Variants in SRBD1 observed in about 807,000 individuals in gnomAD.
SRBD1 encodes the protein S1 RNA binding domain 1, also known as S1 RNA-binding domain-containing protein 1.
SRBD1 carries 88 observed loss-of-function variants against 115.3 expected under a neutral mutation model. The ratio of observed to expected loss-of-function variants is 0.76; its 90% CI spans 0.64 to 0.91. SRBD1 has a LOEUF of 0.91. SRBD1 is among the 40% of genes least tolerant of loss of function. SRBD1 has a pLI of 0.00. For missense variants in SRBD1, 1,385 were observed against 1,177.4 expected (o/e 1.18, Z -2.58); for synonymous variants, 509 against 407.7 (o/e 1.25, Z -2.99).
At chr2:45,502,754 A>G (rs1670675609) in intron 14 of SRBD1, among the ~76,000 whole-genome samples, 1 of 152,014 alleles carries the variant, frequency 6.6e-6, no homozygotes, top group Non-Finnish European at 1.5e-5. Context: ...GGTGCAGCAC[A>G]CCAACATGGC....
At chr2:45,423,569 A>C (rs935703389) in intron 16 of SRBD1, among the ~76,000 whole-genome samples, 12 of 152,144 alleles carry the variant, frequency 7.9e-5, no homozygotes, top group Non-Finnish European at 1.5e-4. Context: ...AAACTCTCCC[A>C]ACAAAAAAAA....
rs145100858 is a variant in SRBD1 at position 45,605,453 on chromosome 2, A to G, written c.1-12T>C. ...GGCAATGATGACATCTAGAAGAAACAGAAAATAAAATCAGCAACACTTGAA... is the reference window on the plus strand; with the variant it reads ...GGCAATGATGACATCTAGAAGAAACGGAAAATAAAATCAGCAACACTTGAA... On this transcript the variant is annotated splice_polypyrimidine_tract_variant and intron_variant, in intron 1 of 20. Transcript: ENST00000263736. 15,802 of 1,611,700 alleles carry G rather than the reference A, an allele frequency of 9.8e-3. 124 individuals carry two copies. The highest frequency in any genetic ancestry group is 0.012 in the South Asian group (1,131 of 90,900).
chr2:45,469,234 A>G (rs1171204561), intron 16 of SRBD1, among the ~76,000 whole-genome samples: 6 of 152,064 alleles, frequency 3.9e-5, no homozygotes, highest in Non-Finnish European at 8.8e-5. Flanking sequence ...TTCTTTCATG[A>G]TAGTATTTTT....
chr2:45,404,621 C>G (rs930313997), intron 19 of SRBD1, among the ~76,000 whole-genome samples: 2 of 152,196 alleles, frequency 1.3e-5, no homozygotes, highest in Non-Finnish European at 2.9e-5. Flanking sequence ...GCTGTATCAT[C>G]TGGATCTCAG....
At chr2:45,521,216 G>C (rs1671272160) in intron 14 of SRBD1, among the ~76,000 whole-genome samples, 1 of 151,608 alleles carries the variant, frequency 6.6e-6, no homozygotes, top group Non-Finnish European at 1.5e-5. Context: ...CAGGGAGCTA[G>C]AAACACAGAG....
Position 45,392,951 on chromosome 2 carries a change from G to A in SRBD1, c.2692C>T (p.Arg898Ter), listed in dbSNP as rs1667044099. The change falls in exon 20 of 21, where the codon CGA becomes TGA. Residue 898 changes from arginine (R) to a stop codon, truncating the protein, a stop_gained. Coordinates refer to ENST00000263736, the MANE Select transcript of SRBD1 (RefSeq NM_018079.5). LOFTEE classifies it high-confidence loss of function. The part of the protein sequence containing the change: ...GLSQPESFDF[R>*]TDFDKPDFKR... ...TTCAAGTTCAACTGTTTACCTGTTC[G>A]AAAGTCAAAGCTTTCAGGCTGGCTG... The A allele has an allele frequency of 6.2e-7, 1 of 1,602,002 alleles. No homozygotes were observed. Among genetic ancestry groups the A allele is most frequent in the Non-Finnish European group, 8.5e-7 (1 of 1,173,762 alleles).
intron 16 of SRBD1, among the ~76,000 whole-genome samples, chr2:45,422,818 A>G (rs1158903975): frequency 6.6e-6 from 1 of 152,268 alleles, no homozygotes; most frequent in African/African-American, 2.4e-5. Context: ...GTTATTGAGT[A>G]TAAAATTTTT....
At chr2:45,391,973 C>T (rs1667017061) in intron 20 of SRBD1, among the ~76,000 whole-genome samples, 1 of 152,098 alleles carries the variant, frequency 6.6e-6, no homozygotes, top group South Asian at 2.1e-4. Context: ...AAAACCAGCC[C>T]AGAAATTCCC....
chr2:45,522,019 G>C (rs1219061237), intron 14 of SRBD1, among the ~76,000 whole-genome samples: 1 of 151,766 alleles, frequency 6.6e-6, no homozygotes, highest in African/African-American at 2.4e-5. Flanking sequence ...AGAAAGCAGA[G>C]ATTCAAACAG....
chr2:45,438,858 A>G (rs1043562536), intron 16 of SRBD1, among the ~76,000 whole-genome samples: 1 of 152,178 alleles, frequency 6.6e-6, no homozygotes, highest in Admixed American at 6.6e-5. Flanking sequence ...AAAACATAAC[A>G]TAATGTAAAG....
intron 19 of SRBD1, among the ~76,000 whole-genome samples, chr2:45,405,979 C>T (rs1457710771): frequency 6.6e-6 from 1 of 151,786 alleles, no homozygotes; most frequent in Admixed American, 6.6e-5. Flanking sequence ...ATAGGGAGAC[C>T]CCAGCAATAA....
intron 19 of SRBD1, among the ~76,000 whole-genome samples, chr2:45,412,626 G>A (rs531514701): frequency 3.9e-5 from 6 of 152,074 alleles, no homozygotes; most frequent in South Asian, 4.1e-4. Flanking sequence ...TTTTTATACC[G>A]TAAACTTCCC....
intron 10 of SRBD1, among the ~76,000 whole-genome samples, chr2:45,559,954 A>G (rs1175264048): frequency 6.6e-6 from 1 of 152,018 alleles, no homozygotes; most frequent in Non-Finnish European, 1.5e-5. Flanking sequence ...GGTGGTGCGC[A>G]CCTGTAGTCC....
chr2:45,510,256 T>C (rs889816624), intron 14 of SRBD1, among the ~76,000 whole-genome samples: 36 of 152,316 alleles, frequency 2.4e-4, no homozygotes, highest in African/African-American at 8.7e-4. Flanking sequence ...AAAGAACCTG[T>C]AACTAAAATT....
At chr2:45,526,822 T>G (rs13023749) in intron 14 of SRBD1, among the ~76,000 whole-genome samples, 97,769 of 151,466 alleles carry the variant, frequency 0.65, 32,057 homozygotes, top group Non-Finnish European at 0.71. Flanking sequence ...TTATAGAAGA[T>G]TAGGATTCAT....
intron 17 of SRBD1, 39 bp downstream of exon 17, chr2:45,419,749 C>A: frequency 6.3e-7 from 1 of 1,592,274 alleles, no homozygotes; most frequent in Non-Finnish European, 8.6e-7. Flanking sequence ...GCCAGTTAAA[C>A]TCAAGATTCT....
rs533213093 is a variant in SRBD1, at chr2:45,389,112, C to T, written c.*198G>A. 4.6e-6 allele frequency: 3 copies of T among 652,608 alleles called. No individual in the cohort carries two copies. Among genetic ancestry groups the T allele is most frequent in the South Asian group, 4.8e-5 (2 of 41,768 alleles). 40.4% of individuals were successfully genotyped at this position (652,608 alleles called of 1,614,324 possible). A position where few individuals can be genotyped will look rare whatever the true frequency, so the allele number is the denominator to read the frequency against. On this transcript the variant is annotated 3_prime_UTR_variant, in exon 21 of 21. Transcript: ENST00000263736. ...ATATAAGAATGTGTATTAGTTGTTTCCTTTAAGGGAAAAGGAAATCAAACT... is the reference window on the plus strand; with the variant it reads ...ATATAAGAATGTGTATTAGTTGTTTTCTTTAAGGGAAAAGGAAATCAAACT...
At chr2:45,414,634 ATAGT>A (rs67389129) in intron 18 of SRBD1, among the ~76,000 whole-genome samples, 50,555 of 149,412 alleles carry the variant, frequency 0.34, 9,631 homozygotes, top group Non-Finnish European at 0.44. Flanking sequence ...TAGTGTGTAT[ATAGT>A]GTGTATATAG....
intron 14 of SRBD1, among the ~76,000 whole-genome samples, chr2:45,498,928 G>T (rs559497318): frequency 1.3e-5 from 2 of 152,228 alleles, no homozygotes; most frequent in East Asian, 3.9e-4. Flanking sequence ...CCATATCTTG[G>T]CTAATGTGAA....
Sources: allele counts gnomAD v4.1 joint callset (sites outside exome capture counted in the v4.1 genomes callset), GRCh38; gene constraint gnomAD v4.1.1; transcripts MANE v1.5; gene names NCBI Gene and HGNC (gene_info 2026-07-23, HGNC 2026-07-21).